The following KCTD8 variants were observed in gnomAD, a reference collection of about 807,000 sequenced individuals.
The protein encoded by KCTD8 is potassium channel tetramerization domain containing 8.
KCTD8 carries 27 observed loss-of-function variants against 31.5 expected under a neutral mutation model. The ratio of observed to expected loss-of-function variants is 0.86; its 90% CI spans 0.63 to 1.18. The LOEUF (loss-of-function observed/expected upper bound fraction) is 1.18, where lower values mean the gene tolerates loss of function less well. Ranked by LOEUF, KCTD8 falls within the 50% of genes most tolerant of loss-of-function variation. The pLI is 0.00. For synonymous variants in KCTD8, 290 were observed against 280.0 expected (o/e 1.04, Z -0.36); for missense variants, 658 against 647.7 (o/e 1.02, Z -0.17).
chr4:44,414,714 T>G (rs1439259437), intron 1 of KCTD8, among the ~76,000 whole-genome samples: 1 of 152,204 alleles, frequency 6.6e-6, no homozygotes, highest in Non-Finnish European at 1.5e-5. Flanking sequence ...TGATATAGTT[T>G]GGATGTTTAT....
intron 1 of KCTD8, among the ~76,000 whole-genome samples, chr4:44,298,577 C>T (rs1050040878): frequency 6.6e-6 from 1 of 152,114 alleles, no homozygotes; most frequent in African/African-American, 2.4e-5. Flanking sequence ...GACAGCTCCC[C>T]AGAAACAATA....
intron 1 of KCTD8, among the ~76,000 whole-genome samples, chr4:44,344,529 C>T (rs369841916): frequency 7.7e-4 from 118 of 152,266 alleles, no homozygotes; most frequent in African/African-American, 2.7e-3. Context: ...ACTCAAACTA[C>T]TATGGAACTG....
chr4:44,351,972 A>G (rs548839579), intron 1 of KCTD8, among the ~76,000 whole-genome samples: 193 of 152,146 alleles, frequency 1.3e-3, no homozygotes, highest in Non-Finnish European at 2.5e-3. Flanking sequence ...TTATTTATTT[A>G]TTTATTTTAT....
intron 1 of KCTD8, among the ~76,000 whole-genome samples, chr4:44,279,213 C>T (rs1333272259): frequency 6.6e-6 from 1 of 152,078 alleles, no homozygotes; most frequent in Non-Finnish European, 1.5e-5. Flanking sequence ...TATTATCTCA[C>T]AGTTTCAGTG....
chr4:44,265,623 G>T (rs1716323297), intron 1 of KCTD8, among the ~76,000 whole-genome samples: 1 of 152,074 alleles, frequency 6.6e-6, no homozygotes, highest in Non-Finnish European at 1.5e-5. Flanking sequence ...CAAACCAAAG[G>T]CAAAGAAGTT....
In KCTD8 at chr4:44,448,478, T is replaced by C; in HGVS notation, c.46A>G (p.Ile16Val). Residue 16 changes from isoleucine to valine, a missense_variant, in exon 1 of 2, where the codon ATT becomes GTT. Transcript: ENST00000360029. This position sits in a 1 kb window ranked among gnomAD's most constrained non-coding sequence, Gnocchi z 4.1. ...TGSGGSTILP[I>V]SEMVSSSSSP... ...CTGGACGAGGAAACCATCTCGCTAA[T>C]GGGCAGGATGGTGCTGCCGCCGCTG... 2 of 1,524,472 alleles carry C rather than the reference T, an allele frequency of 1.3e-6. No individual in the cohort carries two copies. Among genetic ancestry groups the C allele is most frequent in the Non-Finnish European group, 1.7e-6 (2 of 1,143,826 alleles). The allele number at this position is 1,524,472 out of a possible 1,614,324, so 94.4% of individuals were successfully genotyped here.
chr4:44,401,876 T>G (rs1720673561), intron 1 of KCTD8, among the ~76,000 whole-genome samples: 1 of 152,166 alleles, frequency 6.6e-6, no homozygotes, highest in Non-Finnish European at 1.5e-5. Flanking sequence ...TGGCATCAAA[T>G]AAATGGATTC....
chr4:44,216,042 G>A (rs1384485261), intron 1 of KCTD8, among the ~76,000 whole-genome samples: 1 of 152,124 alleles, frequency 6.6e-6, no homozygotes, highest in Non-Finnish European at 1.5e-5. Flanking sequence ...CTGAATGAAA[G>A]AAAGTAGCAT....
chr4:44,448,774 A>T lies in KCTD8; in HGVS notation c.-251T>A, dbSNP rs1722029300. 5 of 360,622 alleles carry T rather than the reference A, an allele frequency of 1.4e-5. No homozygotes were observed. In the Admixed American group the frequency reaches 1.9e-4, roughly 14 times the overall value. The allele number at this position is 360,622 out of a possible 1,614,324, so 22.3% of individuals were successfully genotyped here. On this transcript the variant is annotated 5_prime_UTR_variant, in exon 1 of 2. Transcript: ENST00000360029. This position sits in a 1 kb window ranked among gnomAD's most constrained non-coding sequence, Gnocchi z 4.1. ...CGGCGGCAATGGAGAGGCAAGAAGG[A>T]GCTGCTGCTCCTTTGGGGCGAGGGC...
intron 1 of KCTD8, among the ~76,000 whole-genome samples, chr4:44,192,410 G>C (rs1001996913): frequency 6.7e-6 from 1 of 150,182 alleles, no homozygotes; most frequent in Non-Finnish European, 1.5e-5. Flanking sequence ...TCATCCACTC[G>C]TATGTCCTGA....
rs112490084 is a variant in KCTD8, at chr4:44,327,674, GA to G, written c.961+119888del. Among the ~76,000 whole-genome samples the G allele has an allele frequency of 8.0e-3, 1,205 of 150,736 alleles. 25 individuals are homozygous for G. Among genetic ancestry groups the G allele is most frequent in the African/African-American group, 0.027 (1,120 of 41,036 alleles). On this transcript the variant is annotated intron_variant, in intron 1 of 1. Coordinates refer to ENST00000360029, the MANE Select transcript of KCTD8 (RefSeq NM_198353.3). Reference sequence around the variant, plus strand: ...AATTAAAAATATAAAGACTCTGGGGGAAAAAAAACAAAAACCTTTTCTGTAT... The same window carrying G: ...AATTAAAAATATAAAGACTCTGGGGGAAAAAAACAAAAACCTTTTCTGTAT...
At chr4:44,256,540 A>G (rs2109363726) in intron 1 of KCTD8, among the ~76,000 whole-genome samples, 1 of 152,054 alleles carries the variant, frequency 6.6e-6, no homozygotes, top group Non-Finnish European at 1.5e-5. Flanking sequence ...TTCATACACT[A>G]CTGGTGGGAA....
At position 44,193,308 on chromosome 4, in the gene KCTD8, G is replaced by A. The variant is rs149384264; in HGVS notation, c.962-18058C>T. Among the ~76,000 whole-genome samples the A allele has an allele frequency of 7.2e-3, 1,093 of 152,144 alleles. 19 individuals are homozygous for A. The highest frequency in any genetic ancestry group is 0.025 in the African/African-American group (1,030 of 41,492). On this transcript the variant is annotated intron_variant, in intron 1 of 1. Transcript: ENST00000360029. ...CCTCTCATGTTTATTTTACACATTA[G>A]GAAGTGGAGGTTTAGAGACGTTATG...
chr4:44,328,962 T>C (rs1012097322), intron 1 of KCTD8, among the ~76,000 whole-genome samples: 2 of 151,854 alleles, frequency 1.3e-5, no homozygotes, highest in African/African-American at 4.8e-5. Context: ...AGATACTTAC[T>C]CTCCCAGGGC....
At chr4:44,176,481 G>C (rs16851514) in intron 1 of KCTD8, among the ~76,000 whole-genome samples, 9,885 of 152,136 alleles carry the variant, frequency 0.065, 403 homozygotes, top group East Asian at 0.13. Context: ...TATATGAAAT[G>C]AATTAATAGC....
At chr4:44,242,350 A>G (rs1404296353) in intron 1 of KCTD8, among the ~76,000 whole-genome samples, 1 of 152,094 alleles carries the variant, frequency 6.6e-6, no homozygotes, top group Non-Finnish European at 1.5e-5. Context: ...AGGCCGACGC[A>G]GGCGGATCAC....
intron 1 of KCTD8, among the ~76,000 whole-genome samples, chr4:44,260,060 T>C (rs1716115289): frequency 6.6e-6 from 1 of 151,852 alleles, no homozygotes; most frequent in African/African-American, 2.4e-5. Flanking sequence ...CAATGAATTG[T>C]ATACTAGTCT....
chr4:44,370,920 T>TAC (rs929605683), intron 1 of KCTD8, among the ~76,000 whole-genome samples: 2 of 152,052 alleles, frequency 1.3e-5, no homozygotes, highest in African/African-American at 4.8e-5. Flanking sequence ...TGTAAACTGA[T>TAC]ACATAGAAAG....
chr4:44,181,663 C>T (rs115119282), intron 1 of KCTD8, among the ~76,000 whole-genome samples: 4,841 of 152,252 alleles, frequency 0.032, 137 homozygotes, highest in Non-Finnish European at 0.044. Flanking sequence ...CTGCCCCGGC[C>T]GCCACCCCGT....
Sources: gnomAD v4.1 joint callset for allele counts (sites outside exome capture counted in the v4.1 genomes callset) on GRCh38, gnomAD v4.1.1 for gene constraint, Gnocchi (gnomAD v3.1) non-coding constraint, MANE v1.5 for transcripts, NCBI Gene and HGNC (gene_info 2026-07-23, HGNC 2026-07-21) for gene names.